ZFAND3: variants seen among roughly 807,000 people sequenced by gnomAD.
The protein encoded by ZFAND3 is zinc finger AN1-type containing 3, also known as AN1-type zinc finger protein 3.
ZFAND3 carries 10 observed loss-of-function variants against 29.6 expected under a neutral mutation model. That is an observed-to-expected ratio of 0.34 (90% CI 0.21 to 0.57). The LOEUF is 0.57. ZFAND3 is among the 20% of genes least tolerant of loss of function. The pLI, the probability that ZFAND3 is intolerant of heterozygous loss-of-function variation, is 0.86. For missense variants in ZFAND3, 230 were observed against 304.5 expected, an observed-to-expected ratio of 0.76 and a Z score of 1.82; for synonymous variants, 128 against 112.6, an observed-to-expected ratio of 1.14 and a Z score of -0.87.
intron 1 of ZFAND3, among the ~76,000 whole-genome samples, chr6:37,871,632 A>G (rs2127388246): frequency 6.6e-6 from 1 of 152,376 alleles, no homozygotes; most frequent in African/African-American, 2.4e-5. Flanking sequence ...TTAAGATACT[A>G]ACATTAGAGA....
At chr6:38,022,776 T>C (rs1309196333) in intron 2 of ZFAND3, among the ~76,000 whole-genome samples, 1 of 152,224 alleles carries the variant, frequency 6.6e-6, no homozygotes, top group Non-Finnish European at 1.5e-5. Flanking sequence ...GTAAATTGTG[T>C]AATTTCTACT....
intron 1 of ZFAND3, among the ~76,000 whole-genome samples, chr6:37,898,640 A>G (rs141519252): frequency 6.6e-6 from 1 of 152,178 alleles, no homozygotes; most frequent in East Asian, 1.9e-4. Context: ...GTGTTTTATA[A>G]TTTTCAGTGT....
intron 2 of ZFAND3, among the ~76,000 whole-genome samples, chr6:37,975,023 A>G (rs1412691340): frequency 2.6e-5 from 4 of 152,356 alleles, no homozygotes; most frequent in African/African-American, 4.8e-5. Context: ...ATGGCTGATC[A>G]TATCATAGGT....
intron 1 of ZFAND3, among the ~76,000 whole-genome samples, chr6:37,867,956 T>C (rs1764618952): frequency 6.6e-6 from 1 of 152,246 alleles, no homozygotes; most frequent in Non-Finnish European, 1.5e-5. Context: ...TCCTCCTTTT[T>C]TCTTTTTGTT....
chr6:37,954,684 C>T (rs982049311), intron 2 of ZFAND3, among the ~76,000 whole-genome samples: 4 of 152,108 alleles, frequency 2.6e-5, no homozygotes, highest in Admixed American at 1.3e-4. Context: ...TATTTTGTCT[C>T]GTTGCATTGG....
chr6:38,041,960 C>T (rs906367826), intron 2 of ZFAND3, among the ~76,000 whole-genome samples: 1 of 149,910 alleles, frequency 6.7e-6, no homozygotes, highest in Non-Finnish European at 1.5e-5. Flanking sequence ...CCTCAGCCTC[C>T]CAAGTAGCTG....
At chr6:38,148,093 C>A (rs1199351634) in intron 5 of ZFAND3, among the ~76,000 whole-genome samples, 1 of 152,090 alleles carries the variant, frequency 6.6e-6, no homozygotes, top group Non-Finnish European at 1.5e-5. Context: ...AGTTTCAGGT[C>A]TTGAGTTGAA....
intron 2 of ZFAND3, among the ~76,000 whole-genome samples, chr6:37,938,990 T>C (rs923348300): frequency 6.6e-6 from 1 of 152,204 alleles, no homozygotes; most frequent in Non-Finnish European, 1.5e-5. Context: ...TCTTCCCTCT[T>C]GTTGGTCTAA....
intron 2 of ZFAND3, among the ~76,000 whole-genome samples, chr6:38,008,092 G>A (rs1198469991): frequency 2.0e-5 from 3 of 152,134 alleles, no homozygotes; most frequent in Non-Finnish European, 2.9e-5. Context: ...CTGATTTAGA[G>A]TACCTTTCTG....
intron 2 of ZFAND3, among the ~76,000 whole-genome samples, chr6:37,967,287 C>G (rs1313020396): frequency 2.0e-5 from 3 of 152,144 alleles, no homozygotes; most frequent in South Asian, 2.1e-4. Flanking sequence ...GGTTTTGATG[C>G]TCAAATTGTC....
At chr6:38,139,512 G>A (rs913487678) in intron 5 of ZFAND3, among the ~76,000 whole-genome samples, 2 of 152,192 alleles carry the variant, frequency 1.3e-5, no homozygotes, top group African/African-American at 4.8e-5. Context: ...TCCTGAGGAA[G>A]TCATTGAAGC....
At chr6:38,087,607 G>A (rs1239592364) in intron 4 of ZFAND3, among the ~76,000 whole-genome samples, 4 of 152,106 alleles carry the variant, frequency 2.6e-5, no homozygotes, top group African/African-American at 4.8e-5. Flanking sequence ...ATCATTGATC[G>A]TCAGAGAACT....
chr6:37,996,140 A>G (rs900814599), intron 2 of ZFAND3, among the ~76,000 whole-genome samples: 2 of 152,158 alleles, frequency 1.3e-5, no homozygotes, highest in African/African-American at 4.8e-5. Context: ...AAAAAAAAAA[A>G]AAGAGACTCT....
intron 2 of ZFAND3, among the ~76,000 whole-genome samples, chr6:37,944,862 T>A (rs1017248280): frequency 1.3e-5 from 2 of 152,278 alleles, no homozygotes; most frequent in African/African-American, 2.4e-5. Flanking sequence ...GTACTAAGAT[T>A]TATTGCAAAA....
chr6:37,899,198 C>T (rs182687357), intron 1 of ZFAND3, among the ~76,000 whole-genome samples: 1 of 152,294 alleles, frequency 6.6e-6, no homozygotes, highest in Non-Finnish European at 1.5e-5. Flanking sequence ...CCACACCTGG[C>T]CATTCGTTTC....
At chr6:38,066,257 A>G (rs1479623218) in intron 3 of ZFAND3, among the ~76,000 whole-genome samples, 2 of 152,194 alleles carry the variant, frequency 1.3e-5, no homozygotes, top group Admixed American at 1.3e-4. Context: ...AATGGGAGAT[A>G]AAGTGATTGC....
At chr6:38,038,201 G>A (rs1763695099) in intron 2 of ZFAND3, among the ~76,000 whole-genome samples, 2 of 152,226 alleles carry the variant, frequency 1.3e-5, no homozygotes, top group South Asian at 4.2e-4. Flanking sequence ...TTGAGATATT[G>A]AATACCCTAA....
At chr6:38,032,372 A>T (rs1207623763) in intron 2 of ZFAND3, among the ~76,000 whole-genome samples, 1 of 152,224 alleles carries the variant, frequency 6.6e-6, no homozygotes, top group East Asian at 1.9e-4. Context: ...ACCAATAGAA[A>T]TAATTTTGTG....
intron 2 of ZFAND3, among the ~76,000 whole-genome samples, chr6:38,014,482 A>G (rs1178120111): frequency 6.6e-6 from 1 of 151,982 alleles, no homozygotes; most frequent in African/African-American, 2.4e-5. Context: ...ACCTGCCACC[A>G]TGCCCAGCTA....
Sources: gnomAD v4.1 joint callset for allele counts (sites outside exome capture counted in the v4.1 genomes callset) on GRCh38, gnomAD v4.1.1 for gene constraint, MANE v1.5 for transcripts, NCBI Gene and HGNC (gene_info 2026-07-23, HGNC 2026-07-21) for gene names.